PHF8: variants seen among roughly 807,000 people sequenced by gnomAD.
PHF8 encodes PHD finger protein 8, also known as histone lysine demethylase PHF8.
In PHF8, 9 loss-of-function variants were observed where a neutral mutation model predicts 74.4. That is an observed-to-expected ratio of 0.12 (90% CI 0.07 to 0.21). The LOEUF (loss-of-function observed/expected upper bound fraction) is 0.21. PHF8 is among the 10% of genes least tolerant of loss of function. The probability of loss-of-function intolerance (pLI) is 1.00; values close to 1 mark genes in which losing one functional copy is unlikely to be tolerated. For missense variants in PHF8, 478 were observed against 816.6 expected (o/e 0.59, Z 5.05); for synonymous variants, 311 against 316.6 (o/e 0.98, Z 0.19).
At chrX:53,964,077 C>G (rs969829557) in intron 18 of PHF8, among the ~76,000 whole-genome samples, 3 of 111,812 alleles carry the variant, frequency 2.7e-5, no homozygotes, top group Admixed American at 9.5e-5. Flanking sequence ...AGTTCGTGTC[C>G]TTTGCAGGGA....
chrX:53,993,773 G>T lies in PHF8; in HGVS notation c.1454C>A (p.Pro485His), dbSNP rs782552233. Residue 485 changes from proline to histidine, a missense_variant, in exon 13 of 22, where the codon CCC (proline) becomes CAC (histidine). Transcript: ENST00000338154. ...TSVSMSRLSL[P>H]SKNGSKKKGL... is the part of the protein sequence containing the mutation. ...TTTCTTCTTTGAACCATTTTTGGAG[G>T]GCAGTGACAGCCTGGACATGGACAC... 2.6e-5 allele frequency: 32 copies of T among 1,211,143 alleles called. No homozygotes were observed. The highest frequency in any genetic ancestry group is 3.6e-5 in the Non-Finnish European group (32 of 894,609).
At chrX:54,030,255 A>G (rs1273386447) in intron 2 of PHF8, among the ~76,000 whole-genome samples, 1 of 111,663 alleles carries the variant, frequency 9.0e-6, no homozygotes, top group Non-Finnish European at 1.9e-5. Flanking sequence ...TCAACGTGCT[A>G]GACAACTCCT....
In PHF8 at chrX:53,995,768, A is replaced by G; in HGVS notation, c.1248T>C (p.His416=). The G allele has an allele frequency of 1.7e-6, 2 of 1,187,462 alleles. No individual in the cohort carries two copies. Among genetic ancestry groups the G allele is most frequent in the Non-Finnish European group, 2.3e-6 (2 of 873,981 alleles). The change falls in exon 12 of 22, where the codon CAT becomes CAC. Residue 416 remains histidine, a synonymous_variant. Coordinates refer to ENST00000338154, the MANE Select transcript of PHF8 (RefSeq NM_015107.3). Reference sequence around the variant, plus strand: ...GCACTGTCTCCGGGATCTCATCCTCATGGTCTGGCAGAGCCTGTCAAACAA... The same window carrying G: ...GCACTGTCTCCGGGATCTCATCCTCGTGGTCTGGCAGAGCCTGTCAAACAA... ...AWTRKEALPD[H]EDEIPETVRT... is the part of the protein sequence containing the mutation.
In PHF8 at chrX:54,023,841, CAAAAAAAAAA is replaced by C. The variant is rs782579990; in HGVS notation, c.99-1008_99-999del. 1.8e-3 allele frequency among the ~76,000 whole-genome samples: 72 copies of C among 39,193 alleles called. 1 individual carries two copies. The highest frequency in any genetic ancestry group is 3.1e-3 in the Non-Finnish European group (63 of 20,462). The allele number at this position is 39,193 out of a possible 115,157, so 34.0% of individuals were successfully genotyped here. ...GGGTGACAGAACAAGACCCTGTCTC[CAAAAAAAAAA>C]AAAAAAAAAAAAAGAAGACCCAAGT... On this transcript the variant is annotated intron_variant, in intron 2 of 21. Coordinates refer to ENST00000338154, the MANE Select transcript of PHF8 (RefSeq NM_015107.3).
intron 19 of PHF8, among the ~76,000 whole-genome samples, chrX:53,962,314 G>A (rs1207365762): frequency 1.8e-5 from 2 of 112,173 alleles, no homozygotes; most frequent in African/African-American, 6.5e-5. Context: ...ACTGAAGGAT[G>A]CATCCTCAGT....
intron 17 of PHF8, 35 bp from the exon 18 acceptor site, chrX:53,985,262 G>A: frequency 9.3e-7 from 1 of 1,071,801 alleles, no homozygotes; most frequent in Non-Finnish European, 1.3e-6. Flanking sequence ...TGAGAGAGTT[G>A]TTTTTAGCTG....
chrX:54,041,017 G>C lies in PHF8; in HGVS notation c.98+1614C>G, dbSNP rs1286746656. 8.0e-5 allele frequency among the ~76,000 whole-genome samples: 9 copies of C among 111,947 alleles called. No homozygotes were observed. The Admixed American group carries it at 8.5e-4, about 11-fold the overall frequency. ...AACATGAATTTGGATACGGGGCAAG[G>C]GGGCAGTCCCTGCTGAGGGCAGGAT... On this transcript the variant is annotated intron_variant, in intron 2 of 21. Transcript: ENST00000338154.
At chrX:53,979,197 A>G (rs939499466) in intron 18 of PHF8, among the ~76,000 whole-genome samples, 1 of 111,538 alleles carries the variant, frequency 9.0e-6, no homozygotes, top group African/African-American at 3.3e-5. Flanking sequence ...CCTGGCCAAT[A>G]TGTTGAAGTC....
chrX:54,047,643 C>A (rs924236080), upstream of PHF8, among the ~76,000 whole-genome samples: 17 of 111,452 alleles, frequency 1.5e-4, no homozygotes, highest in African/African-American at 4.2e-4. Flanking sequence ...TAGGGGTAAA[C>A]AAAACAGACA....
Position 54,043,872 on chromosome X carries a change from G to C in PHF8, c.-203C>G. ...GACCTCCTCATGCTTTGGGCTGCAAGGACTCCACGCCCGCGGAGCTCAGCC... is the reference window on the plus strand; with the variant it reads ...GACCTCCTCATGCTTTGGGCTGCAACGACTCCACGCCCGCGGAGCTCAGCC... On this transcript the variant is annotated 5_prime_UTR_variant, in exon 1 of 22. Transcript: ENST00000338154. The C allele has an allele frequency of 6.6e-6, 5 of 753,433 alleles. No homozygotes were observed. The highest frequency in any genetic ancestry group is 6.3e-6 in the Non-Finnish European group (4 of 638,036). 62.1% of individuals were successfully genotyped at this position (753,433 alleles called of 1,213,427 possible).
intron 18 of PHF8, among the ~76,000 whole-genome samples, chrX:53,968,630 C>T (rs1603306650): frequency 8.9e-6 from 1 of 112,669 alleles, no homozygotes; most frequent in East Asian, 2.8e-4. Flanking sequence ...CAGGCCTCGC[C>T]GGGCACGGTG....
chrX:54,034,874 C>G (rs1469049615), intron 2 of PHF8, among the ~76,000 whole-genome samples: 1 of 104,349 alleles, frequency 9.6e-6, no homozygotes, highest in Non-Finnish European at 2.0e-5. Flanking sequence ...TGGTGCATGC[C>G]TGTAGTCCCA....
At chrX:53,960,201 G>C (rs978691959) in intron 19 of PHF8, among the ~76,000 whole-genome samples, 1 of 107,576 alleles carries the variant, frequency 9.3e-6, no homozygotes, top group Non-Finnish European at 1.9e-5. Flanking sequence ...TCAGCCTCCC[G>C]AGTAGCTGGG....
intron 19 of PHF8, 100 bp downstream of exon 19, chrX:53,962,744 A>G: frequency 1.8e-6 from 1 of 561,883 alleles, no homozygotes. Flanking sequence ...TAAACAAATG[A>G]GTGACTGAAT....
intron 12 of PHF8, among the ~76,000 whole-genome samples, chrX:53,994,418 G>A (rs1262071375): frequency 1.8e-5 from 2 of 112,626 alleles, no homozygotes; most frequent in Non-Finnish European, 3.8e-5. Context: ...ATCGGGGGAA[G>A]GTAGAAGGCG....
intron 18 of PHF8, among the ~76,000 whole-genome samples, chrX:53,965,730 G>T (rs1557092329): frequency 8.9e-6 from 1 of 112,097 alleles, no homozygotes; most frequent in African/African-American, 3.2e-5. Context: ...GTAAAAAGTA[G>T]TTGGGAAAAG....
Position 53,987,962 on chromosome X carries a change from A to G in PHF8, c.1731-18T>C, listed in dbSNP as rs1347988815. ...TTTTCGTACTGAAGGGAAGGAGAAC[A>G]TAAAAACAGTCACTAGCAGTATTGT... On this transcript the variant is annotated intron_variant, in intron 14 of 21. Transcript: ENST00000338154. The G allele has an allele frequency of 9.4e-6, 11 of 1,165,342 alleles. No homozygotes were observed. The East Asian group carries it at 1.2e-4, about 13-fold the overall frequency.
intron 18 of PHF8, among the ~76,000 whole-genome samples, chrX:53,976,828 G>A (rs2065386498): frequency 9.0e-6 from 1 of 111,182 alleles, no homozygotes; most frequent in South Asian, 3.8e-4. Context: ...AATAATAGGG[G>A]AATTCTACAA....
rs782758545 is a variant in PHF8, at chrX:54,040,983, G to C, written c.98+1648C>G. ...GGGCACACAATAAATATTCAATAGAGATCAGTTAAACATGAATTTGGATAC... is the reference window on the plus strand; with the variant it reads ...GGGCACACAATAAATATTCAATAGACATCAGTTAAACATGAATTTGGATAC... On this transcript the variant is annotated intron_variant, in intron 2 of 21. Transcript: ENST00000338154. 2.7e-5 allele frequency among the ~76,000 whole-genome samples: 3 copies of C among 112,100 alleles called. No individual in the cohort carries two copies. In the East Asian group the frequency reaches 8.4e-4, roughly 31 times the overall value.
Sources: allele counts gnomAD v4.1 joint callset (sites outside exome capture counted in the v4.1 genomes callset), GRCh38; gene constraint gnomAD v4.1.1; transcripts MANE v1.5; gene names NCBI Gene and HGNC (gene_info 2026-07-23, HGNC 2026-07-21).